PRR16: variants seen among roughly 807,000 people sequenced by gnomAD.
PRR16 encodes protein Largen.
Under a neutral mutation model 18.2 loss-of-function variants are expected in PRR16, and 6 were observed. The ratio of observed to expected loss-of-function variants is 0.33; its 90% confidence interval spans 0.18 to 0.65. The LOEUF (loss-of-function observed/expected upper bound fraction) is 0.65. Ranked by LOEUF, PRR16 falls within the 30% of genes least tolerant of loss-of-function variation. The probability of loss-of-function intolerance (pLI) is 0.74; values close to 1 mark genes in which losing one functional copy is unlikely to be tolerated. For synonymous variants in PRR16, 151 were observed against 147.8 expected (o/e 1.02, Z -0.16); for missense variants, 412 against 376.6 (o/e 1.09, Z -0.78).
intron 1 of PRR16, among the ~76,000 whole-genome samples, chr5:120,685,446 T>C (rs1270487395): frequency 6.6e-6 from 1 of 152,234 alleles, no homozygotes; most frequent in Non-Finnish European, 1.5e-5. Flanking sequence ...GTTGATGTTT[T>C]CTGTATATCC....
the PRR16 span, among the ~76,000 whole-genome samples, chr5:120,760,357 C>T: frequency 6.6e-6 from 1 of 151,726 alleles, no homozygotes; most frequent in African/African-American, 2.4e-5. Context: ...ACAATATACC[C>T]ATACCCTCTT....
chr5:120,481,948 T>G (rs1749631496), intron 1 of PRR16, among the ~76,000 whole-genome samples: 1 of 152,160 alleles, frequency 6.6e-6, no homozygotes, highest in Non-Finnish European at 1.5e-5. Context: ...GGTTCTTTTT[T>G]ATTGTTGTTA....
chr5:120,764,422 TTTAA>T, the PRR16 span, among the ~76,000 whole-genome samples: 3 of 152,064 alleles, frequency 2.0e-5, no homozygotes, highest in Non-Finnish European at 4.4e-5. Flanking sequence ...TTGATCATTA[TTTAA>T]TTTTTTTTTA....
chr5:120,561,553 A>T (rs1752575928), intron 1 of PRR16, among the ~76,000 whole-genome samples: 2 of 152,108 alleles, frequency 1.3e-5, no homozygotes, highest in Non-Finnish European at 2.9e-5. Context: ...TGTTCTTGAG[A>T]ATGACCCATA....
chr5:120,782,137 A>T, the PRR16 span, among the ~76,000 whole-genome samples: 1 of 152,144 alleles, frequency 6.6e-6, no homozygotes, highest in Non-Finnish European at 1.5e-5. Flanking sequence ...ATCTAAACTG[A>T]GTGTGTGGTT....
At chr5:120,617,074 GT>G in intron 1 of PRR16, 2 of 977,702 alleles carry the variant, frequency 2.0e-6, no homozygotes, top group Non-Finnish European at 2.4e-6. Context: ...ATTTTTTAAA[GT>G]TTTCTAATTT....
the PRR16 span, among the ~76,000 whole-genome samples, chr5:120,721,083 A>G: frequency 3.3e-5 from 5 of 152,094 alleles, no homozygotes; most frequent in Admixed American, 2.0e-4. Context: ...CAAATTACAC[A>G]TGTAAGTGTA....
chr5:120,659,694 T>A (rs1756108784), intron 1 of PRR16, among the ~76,000 whole-genome samples: 1 of 152,034 alleles, frequency 6.6e-6, no homozygotes, highest in Non-Finnish European at 1.5e-5. Context: ...TTTATATTCC[T>A]TGAGAACATG....
At chr5:120,499,777 T>G in intron 1 of PRR16, among the ~76,000 whole-genome samples, 1 of 152,100 alleles carries the variant, frequency 6.6e-6, no homozygotes, top group East Asian at 1.9e-4. Context: ...TTTTTTTTTT[T>G]TCCATTTCAT....
intron 1 of PRR16, among the ~76,000 whole-genome samples, chr5:120,674,034 A>G (rs759879538): frequency 6.6e-6 from 1 of 151,716 alleles, no homozygotes; most frequent in Non-Finnish European, 1.5e-5. Flanking sequence ...TTTTTTATCA[A>G]TGCTGTAAAT....
chr5:120,741,394 C>T, the PRR16 span, among the ~76,000 whole-genome samples: 1 of 152,056 alleles, frequency 6.6e-6, no homozygotes, highest in African/African-American at 2.4e-5. Flanking sequence ...CTTATGCAAC[C>T]ATATCTATCA....
At chr5:120,494,412 T>C (rs9647588) in intron 1 of PRR16, among the ~76,000 whole-genome samples, 3,898 of 152,072 alleles carry the variant, frequency 0.026, 63 homozygotes, top group Non-Finnish European at 0.039. Context: ...CTGGCCTTAA[T>C]TGATCTTCTT....
chr5:120,503,796 C>G (rs557758689), intron 1 of PRR16, among the ~76,000 whole-genome samples: 7 of 148,962 alleles, frequency 4.7e-5, no homozygotes, highest in Non-Finnish European at 8.9e-5. Flanking sequence ...CCGCTCCCCC[C>G]ACCCCACAAC....
At chr5:120,514,598 C>G (rs1398826814) in intron 1 of PRR16, among the ~76,000 whole-genome samples, 1 of 152,186 alleles carries the variant, frequency 6.6e-6, no homozygotes, top group Admixed American at 6.5e-5. Context: ...GCTCTTAAGT[C>G]TTAAGTTCTA....
At chr5:120,657,632 G>A in intron 1 of PRR16, among the ~76,000 whole-genome samples, 1 of 151,928 alleles carries the variant, frequency 6.6e-6, no homozygotes, top group Non-Finnish European at 1.5e-5. Context: ...TGCACCTGGA[G>A]CTAAACAAGT....
chr5:120,542,146 C>G (rs767434217), intron 1 of PRR16, among the ~76,000 whole-genome samples: 7 of 152,100 alleles, frequency 4.6e-5, no homozygotes, highest in Middle Eastern at 3.4e-3. Context: ...TTTGCAGCAA[C>G]TTTTGGGCCT....
intron 1 of PRR16, among the ~76,000 whole-genome samples, chr5:120,539,642 C>T (rs754209477): frequency 6.6e-6 from 1 of 151,852 alleles, no homozygotes; most frequent in Non-Finnish European, 1.5e-5. Context: ...CAAACCTGCA[C>T]ATGTGCCCCT....
At chr5:120,641,111 G>A (rs1175765007) in intron 1 of PRR16, among the ~76,000 whole-genome samples, 5 of 152,188 alleles carry the variant, frequency 3.3e-5, no homozygotes, top group African/African-American at 1.2e-4. Flanking sequence ...AGGGTGAGAG[G>A]CTAAACACAA....
the PRR16 span, among the ~76,000 whole-genome samples, chr5:120,773,638 GTTT>G: frequency 2.0e-5 from 3 of 151,638 alleles, no homozygotes; most frequent in Admixed American, 1.3e-4. Flanking sequence ...TTCTATTTTT[GTTT>G]TTTTTGAAGG....
Sources: gnomAD v4.1 joint callset for allele counts (sites outside exome capture counted in the v4.1 genomes callset) on GRCh38, gnomAD v4.1.1 for gene constraint, MANE v1.5 for transcripts, NCBI Gene and HGNC (gene_info 2026-07-23, HGNC 2026-07-21) for gene names.